CA6: variants seen among roughly 807,000 people sequenced by gnomAD.
CA6 encodes the protein carbonic anhydrase 6.
Under a neutral mutation model 35.9 loss-of-function variants are expected in CA6, and 28 were observed. The ratio of observed to expected loss-of-function variants is 0.78; its 90% CI spans 0.58 to 1.07. The LOEUF is 1.07. Ranked by LOEUF, CA6 falls within the 50% of genes least tolerant of loss-of-function variation. The probability of loss-of-function intolerance (pLI) is 0.00; values close to 1 mark genes in which losing one functional copy is unlikely to be tolerated. For synonymous variants in CA6, 148 were observed against 152.6 expected (o/e 0.97, Z 0.22); for missense variants, 377 against 382.0 (o/e 0.99, Z 0.11).
Position 8,957,209 on chromosome 1 carries a change from A to G in CA6, c.332A>G (p.His111Arg). The change falls in exon 3 of 8, where the codon CAC (histidine) becomes CGC (arginine). Residue 111 changes from histidine (H) to arginine (R), a missense_variant. Physicochemically the swap from His to Arg is conservative, Grantham distance 29. Coordinates refer to ENST00000377443, the MANE Select transcript of CA6 (RefSeq NM_001215.4). Reference sequence around the variant, plus strand: ...ACTGTATACATAGCCCAGCAGATGCACTTTCACTGGGGAGGTGCGTCCTCG... The same window carrying G: ...ACTGTATACATAGCCCAGCAGATGCGCTTTCACTGGGGAGGTGCGTCCTCG... ...DGTVYIAQQMHFHWGGASSEI... is the reference protein window; with the variant it reads ...DGTVYIAQQMRFHWGGASSEI... 6.2e-7 allele frequency: 1 copy of G among 1,614,064 alleles called. No individual in the cohort carries two copies. The highest frequency in any genetic ancestry group is 8.5e-7 in the Non-Finnish European group (1 of 1,180,000).
chr1:8,964,024 A>G (rs1254303625), intron 5 of CA6, among the ~76,000 whole-genome samples: 1 of 152,038 alleles, frequency 6.6e-6, no homozygotes, highest in Non-Finnish European at 1.5e-5. Flanking sequence ...CTCCCACTCC[A>G]TTGAGAAGAC....
chr1:8,970,831 C>T lies in CA6; in HGVS notation c.730-36C>T. Reference sequence around the variant, plus strand: ...TTATTTCTTTTAAATTACCCAGTGACTCTTCCCCTCCATAATGCACTCACG... The same window carrying T: ...TTATTTCTTTTAAATTACCCAGTGATTCTTCCCCTCCATAATGCACTCACG... On this transcript the variant is annotated intron_variant, in intron 6 of 7. Transcript: ENST00000377443. 9 of 1,260,792 alleles carry T rather than the reference C, an allele frequency of 7.1e-6. 1 individual carries two copies. The South Asian group carries it at 9.6e-5, about 13-fold the overall frequency. The allele number at this position is 1,260,792 out of a possible 1,614,324, so 78.1% of individuals were successfully genotyped here.
chr1:8,968,201 A>G (rs1018169301), intron 6 of CA6, among the ~76,000 whole-genome samples: 2 of 152,004 alleles, frequency 1.3e-5, no homozygotes, highest in Non-Finnish European at 2.9e-5. Context: ...CCCAGGTTCA[A>G]GCAGTCTGCC....
In CA6 at chr1:8,949,293, A is replaced by G; in HGVS notation, c.110A>G (p.Gln37Arg). 3 of 1,611,306 alleles carry G rather than the reference A, an allele frequency of 1.9e-6. No individual in the cohort carries two copies. The highest frequency in any genetic ancestry group is 1.1e-5 in the South Asian group (1 of 90,728). ...GCACTGGACGAAGCGCACTGGCCAC[A>G]GCACTACCCCGCCTGTGGGGGCCAG... is the stretch of plus-strand genomic sequence containing the variant. The part of the protein sequence containing the change: ...EGALDEAHWP[Q>R]HYPACGGQRQ... Residue 37 changes from glutamine (Q) to arginine (R), a missense_variant, in exon 2 of 8, where the codon CAG (glutamine) becomes CGG (arginine). By Grantham distance (43) the Gln-to-Arg change is conservative. Coordinates refer to ENST00000377443, the MANE Select transcript of CA6 (RefSeq NM_001215.4).
chr1:8,951,644 G>A (rs762362141), intron 2 of CA6: 6 of 765,044 alleles, frequency 7.8e-6, no homozygotes, highest in Middle Eastern at 2.2e-4. Context: ...AGCTTCCCAA[G>A]GGGCTTGCAG....
chr1:8,967,625 C>T (rs753847713), intron 5 of CA6, 34 bp from the exon 6 acceptor site: 1 of 1,606,860 alleles, frequency 6.2e-7, no homozygotes, highest in Non-Finnish European at 8.5e-7. Flanking sequence ...GCGCTGGTCC[C>T]TGACATTCTG....
intron 4 of CA6, 39 bp from the exon 5 acceptor site, chr1:8,962,548 C>CTT (rs749477470): frequency 6.4e-7 from 1 of 1,550,624 alleles, no homozygotes; most frequent in Non-Finnish European, 8.9e-7. Context: ...GCTGGGGCCT[C>CTT]TTCTTCACTT....
At chr1:8,952,601 C>T (rs965017531) in intron 2 of CA6, 1 of 152,248 alleles carries the variant, frequency 6.6e-6, no homozygotes, top group African/African-American at 2.4e-5. Context: ...TTGATGAACA[C>T]TAAGCTTAAC....
intron 1 of CA6, among the ~76,000 whole-genome samples, chr1:8,947,253 C>T (rs539882217): frequency 2.1e-4 from 32 of 152,172 alleles, no homozygotes; most frequent in African/African-American, 6.5e-4. Flanking sequence ...AGCTTCTTCC[C>T]GCATCCCCCT....
chr1:8,974,257 G>C (rs1640206292), intron 7 of CA6: 2 of 831,282 alleles, frequency 2.4e-6, no homozygotes, highest in Non-Finnish European at 3.6e-6. Flanking sequence ...GGAGTGAATT[G>C]AGAAACCAAG....
chr1:8,965,530 A>G (rs1333427792), intron 5 of CA6, among the ~76,000 whole-genome samples: 1 of 152,018 alleles, frequency 6.6e-6, no homozygotes, highest in Non-Finnish European at 1.5e-5. Flanking sequence ...GGATTATTTC[A>G]CTTAGCATAA....
intron 4 of CA6, among the ~76,000 whole-genome samples, chr1:8,959,950 A>AAAAAAAAAAAAAC (rs1557626625): frequency 1.4e-5 from 2 of 144,594 alleles, no homozygotes; most frequent in Non-Finnish European, 3.0e-5. Flanking sequence ...AAAAAAAAAA[A>AAAAAAAAAAAAAC]GCTGGGCGCG....
Position 8,959,020 on chromosome 1 carries a change from A to G in CA6, c.501+18A>G, listed in dbSNP as rs764904560. 3 of 1,480,442 alleles carry G rather than the reference A, an allele frequency of 2.0e-6. No individual in the cohort carries two copies. The highest frequency in any genetic ancestry group is 1.9e-6 in the Non-Finnish European group (2 of 1,058,916). The allele number at this position is 1,480,442 out of a possible 1,614,324, so 91.7% of individuals were successfully genotyped here. A position where few individuals can be genotyped will look rare whatever the true frequency, so the allele number is the denominator to read the frequency against. The stretch of plus-strand genomic sequence containing the variant: ...TCGTTGAGGTAAGCAGAAACTACCC[A>G]TGTGTGTCTGTATTTGAAGTTATAG... On this transcript the variant is annotated intron_variant, in intron 4 of 7. Coordinates refer to ENST00000377443, the MANE Select transcript of CA6 (RefSeq NM_001215.4).
At position 8,962,639 on chromosome 1, in the gene CA6, C is replaced by T; in HGVS notation, c.554C>T (p.Ala185Val). The change falls in exon 5 of 8, where the codon GCC becomes GTC. Residue 185 changes from alanine (A) to valine (V), a missense_variant. Ala to Val is a moderately conservative substitution (Grantham distance 64). Transcript: ENST00000377443. ...TACAGCAACTTCATTTCTCATCTGG[C>T]CAACATCAAGTACCCAGGTAAGGGA... ...TYYSNFISHLANIKYPGQRTT... is the reference protein window; with the variant it reads ...TYYSNFISHLVNIKYPGQRTT... 1 of 1,613,722 alleles carries T rather than the reference C, an allele frequency of 6.2e-7. No homozygotes were observed.
chr1:8,960,838 G>T (rs1557627308), intron 4 of CA6, among the ~76,000 whole-genome samples: 1 of 148,084 alleles, frequency 6.8e-6, no homozygotes, highest in Non-Finnish European at 1.5e-5. Flanking sequence ...GAAAGTGGAA[G>T]AAAAACATGA....
chr1:8,962,858 GC>G (rs1451750862), intron 5 of CA6, among the ~76,000 whole-genome samples: 1 of 152,204 alleles, frequency 6.6e-6, no homozygotes, highest in Non-Finnish European at 1.5e-5. Flanking sequence ...TCTCTGAGAA[GC>G]CTGTGCATAA....
At chr1:8,955,053 ATATAT>A (rs1557623444) in intron 2 of CA6, among the ~76,000 whole-genome samples, 6 of 61,958 alleles carry the variant, frequency 9.7e-5, no homozygotes, top group Non-Finnish European at 2.6e-4. Flanking sequence ...ATCCATTAAT[ATATAT>A]TGCCCAGGTG....
At chr1:8,973,710 C>CCCTT (rs1553164136) in intron 7 of CA6, among the ~76,000 whole-genome samples, 2 of 106,428 alleles carry the variant, frequency 1.9e-5, no homozygotes, top group African/African-American at 7.6e-5. Flanking sequence ...TTCTTTCTCT[C>CCCTT]TCTTTCTTTC....
chr1:8,946,194 T>C (rs1411139735), intron 1 of CA6, among the ~76,000 whole-genome samples: 2 of 152,138 alleles, frequency 1.3e-5, no homozygotes, highest in African/African-American at 2.4e-5. Flanking sequence ...CCTGCCACCA[T>C]GCCTGGCTAA....
Sources: allele counts gnomAD v4.1 joint callset (sites outside exome capture counted in the v4.1 genomes callset), GRCh38; gene constraint gnomAD v4.1.1; transcripts MANE v1.5; gene names NCBI Gene and HGNC (gene_info 2026-07-23, HGNC 2026-07-21).